FGF7: variants seen among roughly 807,000 people sequenced by gnomAD.
FGF7 encodes fibroblast growth factor 7.
A neutral mutation model predicts 20.5 loss-of-function variants in FGF7; 6 were observed. The ratio of observed to expected loss-of-function variants is 0.29; its 90% CI spans 0.16 to 0.58. FGF7 has a LOEUF of 0.58. Ranked by LOEUF, FGF7 falls within the 20% of genes least tolerant of loss-of-function variation. FGF7 has a pLI of 0.90. For missense variants in FGF7, 144 were observed against 228.8 expected (o/e 0.63, Z 2.39); for synonymous variants, 64 against 74.7 (o/e 0.86, Z 0.74).
At chr15:49,444,211 A>T (rs962212106) in intron 2 of FGF7, among the ~76,000 whole-genome samples, 1 of 151,648 alleles carries the variant, frequency 6.6e-6, no homozygotes, top group Non-Finnish European at 1.5e-5. Context: ...ATTCTCCCTC[A>T]TAAGGATTTA....
At chr15:49,482,838 G>A (rs955380864) in intron 2 of FGF7, among the ~76,000 whole-genome samples, 2 of 151,906 alleles carry the variant, frequency 1.3e-5, no homozygotes, top group African/African-American at 4.8e-5. Context: ...ATAAACATTA[G>A]CTATTATTAT....
chr15:49,481,315 T>G (rs1183507988), intron 2 of FGF7, among the ~76,000 whole-genome samples: 3 of 152,364 alleles, frequency 2.0e-5, no homozygotes, highest in South Asian at 4.1e-4. Context: ...TGCAAATATG[T>G]TGAATCAATG....
At chr15:49,432,423 C>T (rs879327304) in intron 2 of FGF7, among the ~76,000 whole-genome samples, 3 of 151,614 alleles carry the variant, frequency 2.0e-5, no homozygotes, top group Non-Finnish European at 4.4e-5. Context: ...CTATACTATA[C>T]TAATGAGAAT....
intron 2 of FGF7, among the ~76,000 whole-genome samples, chr15:49,456,196 T>C (rs1395389651): frequency 6.6e-6 from 1 of 152,164 alleles, no homozygotes; most frequent in Non-Finnish European, 1.5e-5. Context: ...GAATTAATTC[T>C]TTAGAATTTC....
At chr15:49,473,713 T>C (rs2054994462) in intron 2 of FGF7, among the ~76,000 whole-genome samples, 1 of 152,120 alleles carries the variant, frequency 6.6e-6, no homozygotes, top group Non-Finnish European at 1.5e-5. Flanking sequence ...ATTGTAAAAA[T>C]AAGTGAGCTA....
At chr15:49,428,975 T>C (rs2050362451) in intron 2 of FGF7, among the ~76,000 whole-genome samples, 1 of 151,984 alleles carries the variant, frequency 6.6e-6, no homozygotes, top group African/African-American at 2.4e-5. Context: ...CAGCGACTCA[T>C]TTGTCAACAA....
chr15:49,449,089 T>G (rs1364472718), intron 2 of FGF7, among the ~76,000 whole-genome samples: 2 of 141,828 alleles, frequency 1.4e-5, no homozygotes, highest in Non-Finnish European at 3.1e-5. Flanking sequence ...TGGTCTGGCT[T>G]ACAGATAGGA....
intron 2 of FGF7, among the ~76,000 whole-genome samples, chr15:49,456,978 G>C (rs1297383013): frequency 6.6e-6 from 1 of 152,070 alleles, no homozygotes; most frequent in Non-Finnish European, 1.5e-5. Flanking sequence ...GAAAAAGTTA[G>C]TCACTTTGCT....
intron 2 of FGF7, among the ~76,000 whole-genome samples, chr15:49,470,041 C>A (rs1310782162): frequency 6.6e-6 from 1 of 152,084 alleles, no homozygotes; most frequent in African/African-American, 2.4e-5. Flanking sequence ...TCTTAATTCT[C>A]TGGTAAAATT....
chr15:49,442,339 C>G (rs1486263342), intron 2 of FGF7, among the ~76,000 whole-genome samples: 1 of 151,678 alleles, frequency 6.6e-6, no homozygotes, highest in Non-Finnish European at 1.5e-5. Context: ...TAAGTCTCAA[C>G]TCTCCACGAA....
intron 2 of FGF7, among the ~76,000 whole-genome samples, chr15:49,432,289 T>C (rs978502859): frequency 7.2e-5 from 11 of 151,806 alleles, no homozygotes; most frequent in African/African-American, 2.6e-4. Flanking sequence ...TGTTTCTTTA[T>C]AACACTAGTG....
At chr15:49,443,539 T>C (rs1411254089) in intron 2 of FGF7, among the ~76,000 whole-genome samples, 1 of 151,652 alleles carries the variant, frequency 6.6e-6, no homozygotes, top group Non-Finnish European at 1.5e-5. Flanking sequence ...AAACTTAAGG[T>C]TTAGTGTCTA....
chr15:49,440,078 T>G (rs2051493631), intron 2 of FGF7, among the ~76,000 whole-genome samples: 1 of 151,828 alleles, frequency 6.6e-6, no homozygotes, highest in African/African-American at 2.4e-5. Flanking sequence ...ATGAGGGAAC[T>G]GAGTCACGAA....
At chr15:49,423,717 A>G (rs1328794280) in intron 1 of FGF7, among the ~76,000 whole-genome samples, 1 of 152,184 alleles carries the variant, frequency 6.6e-6, no homozygotes, top group East Asian at 1.9e-4. Flanking sequence ...AAGCAGTTAC[A>G]CTTTGTTAGC....
At chr15:49,458,350 G>A (rs760489575) in intron 2 of FGF7, among the ~76,000 whole-genome samples, 2 of 151,992 alleles carry the variant, frequency 1.3e-5, no homozygotes. Flanking sequence ...ACTTGGCTTT[G>A]AGTCATCTTT....
At chr15:49,458,190 G>A (rs561653898) in intron 2 of FGF7, among the ~76,000 whole-genome samples, 18 of 151,954 alleles carry the variant, frequency 1.2e-4, no homozygotes, top group Admixed American at 3.3e-4. Flanking sequence ...CTTAGAGCAG[G>A]AATTTTGAAG....
At chr15:49,481,913 G>A (rs1274892236) in intron 2 of FGF7, among the ~76,000 whole-genome samples, 1 of 152,152 alleles carries the variant, frequency 6.6e-6, no homozygotes, top group East Asian at 1.9e-4. Flanking sequence ...ACAAATATTA[G>A]CTGGGCTACA....
intron 2 of FGF7, among the ~76,000 whole-genome samples, chr15:49,457,206 T>C (rs187311606): frequency 4.6e-5 from 7 of 152,028 alleles, no homozygotes; most frequent in African/African-American, 9.7e-5. Flanking sequence ...ATTGGATTCA[T>C]TGGAATCAGG....
Position 49,487,301 on chromosome 15 carries a change from AAATACATGAGTTTCTAAC to A in FGF7, c.*2801_*2818del, listed in dbSNP as rs1355403459. 1 of 151,980 alleles carries A rather than the reference AAATACATGAGTTTCTAAC, an allele frequency of 6.6e-6. No homozygotes were observed. Among genetic ancestry groups the A allele is most frequent in the Non-Finnish European group, 1.5e-5 (1 of 67,896 alleles). The allele number at this position is 151,980 out of a possible 1,614,324, so 9.4% of individuals were successfully genotyped here. ...AAAATGTTCTTTGAAAGATAAAATT[AAATACATGAGTTTCTAAC>A]AATTAGAAAAGAAAAAATTAAAACA... On this transcript the variant is annotated 3_prime_UTR_variant, in exon 4 of 4. Transcript: ENST00000267843.
Sources: allele counts gnomAD v4.1 joint callset (sites outside exome capture counted in the v4.1 genomes callset), GRCh38; gene constraint gnomAD v4.1.1; transcripts MANE v1.5; gene names NCBI Gene and HGNC (gene_info 2026-07-23, HGNC 2026-07-21).